HCLS1: variants seen among roughly 807,000 people sequenced by gnomAD.
HCLS1 encodes hematopoietic cell-specific Lyn substrate 1.
In HCLS1, 44 loss-of-function variants were observed where a neutral mutation model predicts 68.6. The observed-to-expected ratio is 0.64, with a 90% CI of 0.50 to 0.82. The LOEUF is 0.82. Among genes scored for constraint, HCLS1 ranks in the 40% least tolerant of loss-of-function variants. HCLS1 has a pLI of 0.00. For missense variants in HCLS1, 602 were observed against 612.1 expected, an observed-to-expected ratio of 0.98 and a Z score of 0.17; for synonymous variants, 217 against 225.8, an observed-to-expected ratio of 0.96 and a Z score of 0.35.
chr3:121,648,293 T>C (rs754143382), intron 3 of HCLS1, among the ~76,000 whole-genome samples: 6 of 152,148 alleles, frequency 3.9e-5, no homozygotes. Flanking sequence ...TAAGAGAAAG[T>C]ACCACCAAAA....
intron 6 of HCLS1, 93 bp downstream of exon 6, chr3:121,642,834 T>A: frequency 9.9e-7 from 1 of 1,013,418 alleles, no homozygotes. Flanking sequence ...TCATGGAAGT[T>A]AAAAAGCTGA....
intron 10 of HCLS1, among the ~76,000 whole-genome samples, chr3:121,633,871 C>A (rs1433278331): frequency 1.3e-5 from 2 of 152,176 alleles, no homozygotes; most frequent in Non-Finnish European, 2.9e-5. Context: ...CAGGAACACC[C>A]TCTCCCACTC....
chr3:121,639,530 T>G lies in HCLS1; in HGVS notation c.455-2274A>C, dbSNP rs544180214. Among the ~76,000 whole-genome samples the G allele has an allele frequency of 6.2e-3, 938 of 151,222 alleles. 12 individuals are homozygous for G. The highest frequency in any genetic ancestry group is 0.021 in the African/African-American group (855 of 41,108). On this transcript the variant is annotated intron_variant, in intron 6 of 13. Transcript: ENST00000314583. Reference sequence around the variant, plus strand: ...TATTTTTAACTGAATGATTTTATTTTTTGTTGTTGTTGTTGTTGTTGTTGT... The same window carrying G: ...TATTTTTAACTGAATGATTTTATTTGTTGTTGTTGTTGTTGTTGTTGTTGT...
Position 121,634,249 on chromosome 3 carries a change from C to T in HCLS1, c.861G>A (p.Glu287=), listed in dbSNP as rs775551103. The T allele has an allele frequency of 2.5e-6, 4 of 1,614,202 alleles. No individual in the cohort carries two copies. The highest frequency in any genetic ancestry group is 2.5e-6 in the Non-Finnish European group (3 of 1,180,036). ...TGGGCAGTGGGGCCGGTACTGCTGG[C>T]TCTTCCATAGCTATCACTGGCTGTG... ...EAPQPVIAME[E]PAVPAPLPKK... Residue 287 remains glutamate, a synonymous_variant, in exon 10 of 14, where the codon GAG becomes GAA. Transcript: ENST00000314583.
In HCLS1 at chr3:121,634,236, C is replaced by A; in HGVS notation, c.874G>T (p.Ala292Ser). The change falls in exon 10 of 14, where the codon GCC becomes TCC. Residue 292 changes from alanine to serine, a missense_variant. By Grantham distance (99) the Ala-to-Ser change is moderately conservative. Coordinates refer to ENST00000314583, the MANE Select transcript of HCLS1 (RefSeq NM_005335.6). ...VIAMEEPAVP[A>S]PLPKKISSEA... Reference sequence around the variant, plus strand: ...GAGGAGATTTTCTTGGGCAGTGGGGCCGGTACTGCTGGCTCTTCCATAGCT... The same window carrying A: ...GAGGAGATTTTCTTGGGCAGTGGGGACGGTACTGCTGGCTCTTCCATAGCT... The A allele has an allele frequency of 6.2e-7, 1 of 1,614,168 alleles. No individual in the cohort carries two copies. The highest frequency in any genetic ancestry group is 8.5e-7 in the Non-Finnish European group (1 of 1,180,032).
rs138720682 is a variant in HCLS1, at chr3:121,658,451, A to G, written c.1-104T>C. On this transcript the variant is annotated intron_variant, in intron 1 of 13. Transcript: ENST00000314583. ...ATATAGCAGCCCAATATTTCCTGCCATTTTTTTTTTCTTAGAAGAAAATAG... is the reference window on the plus strand; with the variant it reads ...ATATAGCAGCCCAATATTTCCTGCCGTTTTTTTTTTCTTAGAAGAAAATAG... 4.4e-3 allele frequency: 3,406 copies of G among 775,534 alleles called. 14 individuals are homozygous for G. The highest frequency in any genetic ancestry group is 7.9e-3 in the Middle Eastern group (32 of 4,076). The allele number at this position is 775,534 out of a possible 1,614,324, so 48.0% of individuals were successfully genotyped here.
At chr3:121,640,424 G>A (rs2049186085) in intron 6 of HCLS1, among the ~76,000 whole-genome samples, 1 of 151,682 alleles carries the variant, frequency 6.6e-6, no homozygotes, top group Non-Finnish European at 1.5e-5. Context: ...AAACCATCAA[G>A]GAAATAAATA....
chr3:121,659,441 G>A (rs565473886), intron 1 of HCLS1, among the ~76,000 whole-genome samples: 1 of 152,200 alleles, frequency 6.6e-6, no homozygotes, highest in Admixed American at 6.5e-5. Context: ...GCTCTCCATC[G>A]TCTCCAAAGA....
intron 3 of HCLS1, among the ~76,000 whole-genome samples, chr3:121,649,542 G>T (rs1937694360): frequency 6.6e-6 from 1 of 152,014 alleles, no homozygotes; most frequent in African/African-American, 2.4e-5. Context: ...GCCTAAACAG[G>T]TCTTAATCAC....
At position 121,631,705 on chromosome 3, in the gene HCLS1, C is replaced by T; in HGVS notation, c.*141G>A. The T allele has an allele frequency of 2.4e-6, 2 of 842,894 alleles. No individual in the cohort carries two copies. Among genetic ancestry groups the T allele is most frequent in the East Asian group, 2.7e-5 (1 of 37,654 alleles). The allele number at this position is 842,894 out of a possible 1,614,324, so 52.2% of individuals were successfully genotyped here. On this transcript the variant is annotated 3_prime_UTR_variant, in exon 14 of 14. Transcript: ENST00000314583. Reference sequence around the variant, plus strand: ...CCTCCTTCCCCATGCTGTCTCTGCCCCAAGCCCTTAATGAAGCAGGAGAGG... The same window carrying T: ...CCTCCTTCCCCATGCTGTCTCTGCCTCAAGCCCTTAATGAAGCAGGAGAGG...
At chr3:121,641,279 C>T (rs974190456) in intron 6 of HCLS1, among the ~76,000 whole-genome samples, 14 of 151,524 alleles carry the variant, frequency 9.2e-5, no homozygotes, top group Non-Finnish European at 1.3e-4. Context: ...ATGTCAGAGA[C>T]GATGAAATAA....
In HCLS1 at chr3:121,650,267, T is replaced by C. The variant is rs559449331; in HGVS notation, c.159-2819A>G. On this transcript the variant is annotated intron_variant, in intron 3 of 13. Transcript: ENST00000314583. ...TCCCTAAAATGATCTATAGATTCAA[T>C]GCAATCCCAATCAAAATCTGAACAG... Among the ~76,000 whole-genome samples the C allele has an allele frequency of 2.6e-5, 4 of 152,270 alleles. No homozygotes were observed. In the South Asian group the frequency reaches 6.2e-4, roughly 24 times the overall value.
intron 3 of HCLS1, among the ~76,000 whole-genome samples, chr3:121,651,675 C>T (rs1235789332): frequency 1.3e-5 from 2 of 152,180 alleles, no homozygotes; most frequent in Non-Finnish European, 2.9e-5. Context: ...CTGCCTTGGC[C>T]TCCTAAAGTG....
intron 9 of HCLS1, among the ~76,000 whole-genome samples, chr3:121,635,288 T>G (rs2049140598): frequency 6.7e-6 from 1 of 148,906 alleles, no homozygotes; most frequent in Non-Finnish European, 1.5e-5. Flanking sequence ...CTCTCTCCTC[T>G]CTCTCTCTTT....
At chr3:121,658,520 C>A (rs1000378986) in intron 1 of HCLS1, among the ~76,000 whole-genome samples, 173 bp from the exon 2 acceptor site, 1 of 152,072 alleles carries the variant, frequency 6.6e-6, no homozygotes, top group Non-Finnish European at 1.5e-5. Context: ...GGCTTTTCTG[C>A]TCAGTTACAA....
chr3:121,659,092 A>G (rs1248650422), intron 1 of HCLS1, among the ~76,000 whole-genome samples: 1 of 152,260 alleles, frequency 6.6e-6, no homozygotes, highest in Non-Finnish European at 1.5e-5. Context: ...CGTAGAAAAG[A>G]AAAAAGAATA....
intron 4 of HCLS1, among the ~76,000 whole-genome samples, chr3:121,646,901 T>C (rs376377325): frequency 6.9e-6 from 1 of 145,598 alleles, no homozygotes; most frequent in Non-Finnish European, 1.5e-5. Flanking sequence ...TATATAATTA[T>C]ATATAAGTAT....
Position 121,631,799 on chromosome 3 carries a change from C to T in HCLS1, c.*47G>A. 1 of 1,606,050 alleles carries T rather than the reference C, an allele frequency of 6.2e-7. No homozygotes were observed. Among genetic ancestry groups the T allele is most frequent in the Middle Eastern group, 1.7e-4 (1 of 5,990 alleles). ...AATAGGGAGGGGGTGGAGGCAGAGCCACTTTGGACATGGGAAATCACAGTT... is the reference window on the plus strand; with the variant it reads ...AATAGGGAGGGGGTGGAGGCAGAGCTACTTTGGACATGGGAAATCACAGTT... On this transcript the variant is annotated 3_prime_UTR_variant, in exon 14 of 14. Coordinates refer to ENST00000314583, the MANE Select transcript of HCLS1 (RefSeq NM_005335.6).
chr3:121,657,357 A>C lies in HCLS1; in HGVS notation c.85-5T>G. ...CTCCTTTTCAGAGATGTCATTCTGC[A>C]AACGACAGCACGCAGTAATACATGA... On this transcript the variant is annotated splice_region_variant and splice_polypyrimidine_tract_variant and intron_variant, in intron 2 of 13. Coordinates refer to ENST00000314583, the MANE Select transcript of HCLS1 (RefSeq NM_005335.6). 6.2e-7 allele frequency: 1 copy of C among 1,614,004 alleles called. No individual in the cohort carries two copies. The highest frequency in any genetic ancestry group is 8.5e-7 in the Non-Finnish European group (1 of 1,179,902).
Sources: gnomAD v4.1 joint callset for allele counts (sites outside exome capture counted in the v4.1 genomes callset) on GRCh38, gnomAD v4.1.1 for gene constraint, MANE v1.5 for transcripts, NCBI Gene and HGNC (gene_info 2026-07-23, HGNC 2026-07-21) for gene names.